USP10: variants seen among roughly 807,000 people sequenced by gnomAD.
USP10 encodes ubiquitin specific peptidase 10.
Under a neutral mutation model 84.5 loss-of-function variants are expected in USP10, and 22 were observed. The observed-to-expected ratio is 0.26, with a 90% CI of 0.19 to 0.37. USP10 has a LOEUF of 0.37. Among genes scored for constraint, USP10 ranks in the 10% least tolerant of loss-of-function variants. The pLI, the probability that USP10 is intolerant of heterozygous loss-of-function variation, is 1.00. For missense variants in USP10, 1,019 were observed against 998.9 expected (o/e 1.02, Z -0.27); for synonymous variants, 454 against 387.6 (o/e 1.17, Z -2.01).
intron 1 of USP10, among the ~76,000 whole-genome samples, chr16:84,725,806 C>G (rs570586311): frequency 6.6e-6 from 1 of 152,176 alleles, no homozygotes; most frequent in African/African-American, 2.4e-5. Context: ...TCCAACATAC[C>G]TTCATTTTGT....
chr16:84,757,405 GT>G (rs1567636540), intron 4 of USP10, among the ~76,000 whole-genome samples: 1 of 39,700 alleles, frequency 2.5e-5, no homozygotes, highest in South Asian at 4.3e-4. Context: ...GGGTGGGGGT[GT>G]GTGTGTGTGT....
chr16:84,779,898 A>G lies in USP10; in HGVS notation c.*816A>G, dbSNP rs771842874. The G allele has an allele frequency of 2.0e-5, 3 of 152,240 alleles. No homozygotes were observed. Among genetic ancestry groups the G allele is most frequent in the Non-Finnish European group, 2.9e-5 (2 of 68,046 alleles). The allele number at this position is 152,240 out of a possible 1,614,324, so 9.4% of individuals were successfully genotyped here. ...AGGAGTATAAAGTTGTCGCCCATCA[A>G]TAAAAATCACAAAGTTGGTTTAAAG... On this transcript the variant is annotated 3_prime_UTR_variant, in exon 14 of 14. Coordinates refer to ENST00000219473, the MANE Select transcript of USP10 (RefSeq NM_005153.3).
At chr16:84,754,031 G>A (rs1384638342) in intron 4 of USP10, among the ~76,000 whole-genome samples, 2 of 152,194 alleles carry the variant, frequency 1.3e-5, no homozygotes, top group Admixed American at 6.5e-5. Flanking sequence ...AGGCCACCAA[G>A]TCCTGTTACC....
At chr16:84,732,610 C>A in intron 1 of USP10, 1 of 303,592 alleles carries the variant, frequency 3.3e-6, no homozygotes, top group South Asian at 2.5e-5. Context: ...CCACGCCTGG[C>A]TAATTTTTGT....
At chr16:84,760,456 A>G (rs1351751048) in intron 8 of USP10, among the ~76,000 whole-genome samples, 181 bp downstream of exon 8, 1 of 152,188 alleles carries the variant, frequency 6.6e-6, no homozygotes, top group Non-Finnish European at 1.5e-5. Flanking sequence ...TACTTTACAT[A>G]TATTAACTTA....
chr16:84,764,164 A>T lies in USP10; in HGVS notation c.1733A>T (p.Asp578Val), dbSNP rs1296188866. The T allele has an allele frequency of 5.6e-6, 9 of 1,613,982 alleles. No individual in the cohort carries two copies. Among genetic ancestry groups the T allele is most frequent in the Non-Finnish European group, 7.6e-6 (9 of 1,179,860 alleles). The stretch of plus-strand genomic sequence containing the variant: ...GAAGAACAAGGTGAAGGAAGCGAGG[A>T]TGAATGGGAACAAGTGGGCCCCCGG... ...EQEEQGEGSE[D>V]EWEQVGPRNK... Residue 578 changes from aspartate to valine, a missense_variant, in exon 10 of 14, where the codon GAT becomes GTT. By Grantham distance (152) the Asp-to-Val change is radical. This residue lies in a region of USP10 where 232 missense variants were observed against 290.1 expected (regional missense o/e 0.80). Coordinates refer to ENST00000219473, the MANE Select transcript of USP10 (RefSeq NM_005153.3).
chr16:84,741,041 CTT>C (rs991573230), intron 3 of USP10, among the ~76,000 whole-genome samples: 1 of 152,240 alleles, frequency 6.6e-6, no homozygotes, highest in African/African-American at 2.4e-5. Context: ...ATCTGAATCA[CTT>C]TAAAGGCCCT....
At chr16:84,738,539 C>A (rs1036642497) in intron 2 of USP10, among the ~76,000 whole-genome samples, 10 of 152,182 alleles carry the variant, frequency 6.6e-5, no homozygotes, top group Admixed American at 6.5e-4. Context: ...AGGTGCCTGC[C>A]AGCATCAATG....
chr16:84,751,950 G>C (rs978226615), intron 4 of USP10, among the ~76,000 whole-genome samples: 5 of 152,070 alleles, frequency 3.3e-5, no homozygotes, highest in Non-Finnish European at 5.9e-5. Flanking sequence ...TGCTGGTATT[G>C]CCTTTGAGTT....
rs1914580112 is a variant in USP10 at position 84,772,678 on chromosome 16, T to C, written c.2136T>C (p.Ile712=). The part of the protein sequence containing the change: ...KNIEYPVDLE[I]SKELLSPGVK... ...TTGAATATCCTGTGGACTTGGAAAT[T>C]AGTAAAGGTAATGCATACATAAGGT... The change falls in exon 12 of 14, where the codon ATT becomes ATC. Residue 712 remains isoleucine (I), a synonymous_variant. Coordinates refer to ENST00000219473, the MANE Select transcript of USP10 (RefSeq NM_005153.3). The C allele has an allele frequency of 6.2e-7, 1 of 1,613,994 alleles. No homozygotes were observed. Among genetic ancestry groups the C allele is most frequent in the Non-Finnish European group, 8.5e-7 (1 of 1,179,882 alleles).
At chr16:84,732,981 G>A (rs937824134) in intron 1 of USP10, 3 of 423,852 alleles carry the variant, frequency 7.1e-6, no homozygotes, top group Non-Finnish European at 1.4e-5. Flanking sequence ...TCATTAATCA[G>A]GATCATTAAC....
intron 1 of USP10, among the ~76,000 whole-genome samples, chr16:84,727,576 G>C (rs866324452): frequency 2.6e-5 from 4 of 152,202 alleles, no homozygotes; most frequent in Non-Finnish European, 5.9e-5. Flanking sequence ...CCTTTACCCA[G>C]ATCCACCTGT....
At chr16:84,727,379 A>G (rs1180297907) in intron 1 of USP10, among the ~76,000 whole-genome samples, 9 of 152,180 alleles carry the variant, frequency 5.9e-5, no homozygotes, top group Non-Finnish European at 1.3e-4. Context: ...TCCAGAGGAG[A>G]GAAAACACTA....
intron 1 of USP10, among the ~76,000 whole-genome samples, chr16:84,726,696 G>A (rs544209473): frequency 2.3e-3 from 351 of 152,374 alleles, no homozygotes; most frequent in African/African-American, 8.0e-3. Flanking sequence ...GAAAGCCCGG[G>A]ATGGAGGCCG....
chr16:84,725,566 A>C (rs908646541), intron 1 of USP10, among the ~76,000 whole-genome samples: 3 of 151,684 alleles, frequency 2.0e-5, no homozygotes, highest in Admixed American at 6.6e-5. Context: ...ATGCCCGGCT[A>C]ATTTTTTTTT....
At chr16:84,728,381 C>A (rs1908784537) in intron 1 of USP10, among the ~76,000 whole-genome samples, 1 of 151,674 alleles carries the variant, frequency 6.6e-6, no homozygotes, top group Admixed American at 6.6e-5. Flanking sequence ...TCGCTGTTGC[C>A]CAGGCTGGAG....
At chr16:84,774,376 A>C (rs910026533) in intron 12 of USP10, among the ~76,000 whole-genome samples, 2 of 152,164 alleles carry the variant, frequency 1.3e-5, no homozygotes, top group Admixed American at 1.3e-4. Context: ...ACTTCTGCGC[A>C]CAGTAAGAGC....
At chr16:84,733,195 T>G (rs2150800278) in intron 1 of USP10, 2 of 576,574 alleles carry the variant, frequency 3.5e-6, no homozygotes, top group East Asian at 7.4e-5. Context: ...TTGATTTGTT[T>G]CAAAATAAGC....
intron 1 of USP10, among the ~76,000 whole-genome samples, chr16:84,717,942 C>T (rs1251763319): frequency 6.6e-6 from 1 of 152,066 alleles, no homozygotes; most frequent in East Asian, 1.9e-4. Flanking sequence ...ATTTGGGATT[C>T]GTGATCACGT....
Sources: gnomAD v4.1 joint callset for allele counts (sites outside exome capture counted in the v4.1 genomes callset) on GRCh38, gnomAD v4.1.1 for gene constraint, gnomAD v4.1.1 regional missense constraint, MANE v1.5 for transcripts, NCBI Gene and HGNC (gene_info 2026-07-23, HGNC 2026-07-21) for gene names.